KIF5A: variants seen among roughly 807,000 people sequenced by gnomAD.
KIF5A encodes kinesin heavy chain isoform 5A.
A neutral mutation model predicts 141.3 loss-of-function variants in KIF5A; 35 were observed. The ratio of observed to expected loss-of-function variants is 0.25; its 90% confidence interval spans 0.19 to 0.33. The LOEUF (loss-of-function observed/expected upper bound fraction) is 0.33, where lower values mean the gene tolerates loss of function less well. Ranked by LOEUF, KIF5A falls within the 10% of genes least tolerant of loss-of-function variation. KIF5A has a pLI of 1.00. For synonymous variants in KIF5A, 448 were observed against 500.2 expected (o/e 0.90, Z 1.39); for missense variants, 861 against 1,314.3 (o/e 0.66, Z 5.33).
At chr12:57,570,287 G>T (rs1223273805) in intron 12 of KIF5A, 125 bp downstream of exon 12, 1 of 795,160 alleles carries the variant, frequency 1.3e-6, no homozygotes, top group East Asian at 2.7e-5. Flanking sequence ...TTGAAATGTG[G>T]AAACATCAAT....
At chr12:57,566,018 G>A (rs1882053699) in intron 6 of KIF5A, among the ~76,000 whole-genome samples, 1 of 151,924 alleles carries the variant, frequency 6.6e-6, no homozygotes, top group Non-Finnish European at 1.5e-5. Context: ...AGAATTGCTT[G>A]AGCTCAAGAG....
chr12:57,582,715 C>T, intron 27 of KIF5A, 86 bp downstream of exon 27: 1 of 1,150,446 alleles, frequency 8.7e-7, no homozygotes, highest in Non-Finnish European at 1.3e-6. Flanking sequence ...TTGGAGGTTC[C>T]TGGAGCCTTT....
At chr12:57,559,381 A>G (rs1881842521) in intron 1 of KIF5A, among the ~76,000 whole-genome samples, 1 of 152,112 alleles carries the variant, frequency 6.6e-6, no homozygotes, top group Non-Finnish European at 1.5e-5. Flanking sequence ...TGCGTTGTCT[A>G]TTTTATTTTG....
chr12:57,569,076 T>A lies in KIF5A; in HGVS notation c.819+9T>A, dbSNP rs1276013863. 1 of 1,605,110 alleles carries A rather than the reference T, an allele frequency of 6.2e-7. No homozygotes were observed. Among genetic ancestry groups the A allele is most frequent in the Admixed American group, 1.7e-5 (1 of 59,960 alleles). On this transcript the variant is annotated intron_variant, in intron 9 of 28. Transcript: ENST00000455537. ...CACTGGCTGAGGGCACTGTGAGTGA[T>A]CCTTAGGTCCCCTCACCCCTCAAGC...
intron 1 of KIF5A, among the ~76,000 whole-genome samples, chr12:57,555,522 C>T (rs530213927): frequency 1.3e-5 from 2 of 151,962 alleles, no homozygotes; most frequent in South Asian, 2.1e-4. Context: ...ACCTGGGAGG[C>T]GGAGGTTGCA....
intron 6 of KIF5A, among the ~76,000 whole-genome samples, chr12:57,565,853 G>A (rs1037899451): frequency 2.0e-5 from 3 of 151,344 alleles, no homozygotes; most frequent in Admixed American, 6.6e-5. Flanking sequence ...TCTAATTCCT[G>A]ACCTCAGGTG....
chr12:57,556,480 C>A (rs1265926148), intron 1 of KIF5A, among the ~76,000 whole-genome samples: 1 of 151,988 alleles, frequency 6.6e-6, no homozygotes, highest in East Asian at 1.9e-4. Context: ...GAATCTCTTC[C>A]TTCTTCCCTC....
chr12:57,557,977 C>G (rs1881795449), intron 1 of KIF5A, among the ~76,000 whole-genome samples: 1 of 152,224 alleles, frequency 6.6e-6, no homozygotes, highest in East Asian at 1.9e-4. Flanking sequence ...TCCAGCCACA[C>G]AGTTCCCTTT....
chr12:57,556,610 C>T (rs935133141), intron 1 of KIF5A, among the ~76,000 whole-genome samples: 1 of 147,794 alleles, frequency 6.8e-6, no homozygotes, highest in African/African-American at 2.5e-5. Context: ...GTGGAGCCTT[C>T]TAGATCCTGT....
chr12:57,567,266 G>A, intron 7 of KIF5A, 53 bp downstream of exon 7: 1 of 1,458,896 alleles, frequency 6.9e-7, no homozygotes, highest in South Asian at 1.1e-5. Context: ...CTTGTGTTCT[G>A]TGTCCTCTGG....
intron 1 of KIF5A, among the ~76,000 whole-genome samples, chr12:57,557,782 C>T (rs1881790325): frequency 6.6e-6 from 1 of 151,780 alleles, no homozygotes; most frequent in East Asian, 1.9e-4. Flanking sequence ...ACCTCTGCCT[C>T]CCGGGTTCAA....
At chr12:57,573,316 G>T (rs1007463037) in intron 15 of KIF5A, among the ~76,000 whole-genome samples, 1 of 152,114 alleles carries the variant, frequency 6.6e-6, no homozygotes, top group African/African-American at 2.4e-5. Context: ...GATCGCTTGA[G>T]CCCAGGAGTT....
In KIF5A at chr12:57,581,935, A is replaced by C; in HGVS notation, c.2975A>C (p.Lys992Thr). Residue 992 changes from lysine (K) to threonine (T), a missense_variant, in exon 26 of 29, where the codon AAG becomes ACG. Lys to Thr is a moderately conservative substitution (Grantham distance 78). Around this residue, in one of 5 missense-constraint regions of KIF5A, gnomAD observed 482 missense variants for 661.3 expected, o/e 0.73. Transcript: ENST00000455537. The stretch of plus-strand genomic sequence containing the variant: ...GGCGGCCCCTTGGCTTCCTACCAGA[A>C]GGCCAACATGGACAATGGTGAGTGA... ...SSGGPLASYQ[K>T]ANMDNGNATD... 1 of 1,614,078 alleles carries C rather than the reference A, an allele frequency of 6.2e-7. No homozygotes were observed. Among genetic ancestry groups the C allele is most frequent in the Non-Finnish European group, 8.5e-7 (1 of 1,179,946 alleles).
At chr12:57,565,132 T>C (rs1469181801) in intron 6 of KIF5A, among the ~76,000 whole-genome samples, 159 bp downstream of exon 6, 1 of 152,130 alleles carries the variant, frequency 6.6e-6, no homozygotes, top group East Asian at 1.9e-4. Context: ...GAAAAGATAC[T>C]GTCTTGGCTG....
At chr12:57,564,295 C>T in intron 4 of KIF5A, 83 bp downstream of exon 4, 1 of 1,158,268 alleles carries the variant, frequency 8.6e-7, no homozygotes. Context: ...AGCCTGGGCT[C>T]CCCAACTTGA....
chr12:57,563,796 AG>A, intron 3 of KIF5A, 103 bp downstream of exon 3: 1 of 1,077,010 alleles, frequency 9.3e-7, no homozygotes, highest in Non-Finnish European at 1.4e-6. Context: ...CCTGGTCCAG[AG>A]GCAGATAGAT....
At position 57,572,282 on chromosome 12, in the gene KIF5A, A is replaced by G. The variant is rs1882279727; in HGVS notation, c.1569+15A>G. On this transcript the variant is annotated intron_variant, in intron 14 of 28. Coordinates refer to ENST00000455537, the MANE Select transcript of KIF5A (RefSeq NM_004984.4). The surrounding 1 kb of genome is among the most constrained non-coding windows in gnomAD (Gnocchi z 4.2). ...CTCAGAAGGTGGTAAGTGGTGTGCC[A>G]ATGGTCCAACAGCTCCCTGACCACA... 6.4e-7 allele frequency: 1 copy of G among 1,570,780 alleles called. No homozygotes were observed. Among genetic ancestry groups the G allele is most frequent in the East Asian group, 2.4e-5 (1 of 42,230 alleles).
chr12:57,577,325 T>C (rs1196977976), intron 20 of KIF5A, among the ~76,000 whole-genome samples: 1 of 152,236 alleles, frequency 6.6e-6, no homozygotes, highest in African/African-American at 2.4e-5. Flanking sequence ...CTGGGTGCGA[T>C]GGCTTACACC....
At chr12:57,563,360 C>A in intron 1 of KIF5A, 79 bp from the exon 2 acceptor site, 2 of 1,053,594 alleles carry the variant, frequency 1.9e-6, no homozygotes, top group Non-Finnish European at 1.5e-6. Flanking sequence ...CCTTTCTCAG[C>A]TGCTGGAAGG....
Sources: gnomAD v4.1 joint callset for allele counts (sites outside exome capture counted in the v4.1 genomes callset) on GRCh38, gnomAD v4.1.1 for gene constraint, gnomAD v4.1.1 regional missense constraint, Gnocchi (gnomAD v3.1) non-coding constraint, MANE v1.5 for transcripts, NCBI Gene and HGNC (gene_info 2026-07-23, HGNC 2026-07-21) for gene names.